The following FAM168A variants were observed in gnomAD, a reference collection of about 807,000 sequenced individuals.
The protein encoded by FAM168A is family with sequence similarity 168 member A.
In FAM168A, 3 loss-of-function variants were observed where a neutral mutation model predicts 28.5. The observed-to-expected ratio is 0.11, with a 90% CI of 0.05 to 0.27. FAM168A has a LOEUF of 0.27. Ranked by LOEUF, FAM168A falls within the 10% of genes least tolerant of loss-of-function variation. The pLI is 1.00. For synonymous variants in FAM168A, 122 were observed against 124.2 expected (o/e 0.98, Z 0.12); for missense variants, 222 against 311.5 (o/e 0.71, Z 2.16).
intron 1 of FAM168A, among the ~76,000 whole-genome samples, chr11:73,521,204 T>C (rs1943371004): frequency 1.3e-5 from 2 of 152,354 alleles, no homozygotes; most frequent in South Asian, 2.1e-4. Context: ...TCTCAGTAAG[T>C]GCCACAGTCC....
chr11:73,424,060 T>C (rs1470387813), intron 3 of FAM168A, among the ~76,000 whole-genome samples: 1 of 152,124 alleles, frequency 6.6e-6, no homozygotes, highest in Non-Finnish European at 1.5e-5. Context: ...AATAAAATTA[T>C]AAGAGGACAG....
intron 2 of FAM168A, among the ~76,000 whole-genome samples, chr11:73,434,882 G>A (rs1327595491): frequency 6.6e-6 from 1 of 152,214 alleles, no homozygotes; most frequent in Non-Finnish European, 1.5e-5. Flanking sequence ...AAATAGTGGA[G>A]GTTTGAAGAG....
chr11:73,538,033 G>T (rs1374353524), intron 1 of FAM168A, among the ~76,000 whole-genome samples: 1 of 152,074 alleles, frequency 6.6e-6, no homozygotes, highest in Admixed American at 6.6e-5. Flanking sequence ...CTGTAACCTT[G>T]GGAAAGGTGA....
chr11:73,445,868 G>A (rs1437331109), intron 2 of FAM168A, among the ~76,000 whole-genome samples: 1 of 152,128 alleles, frequency 6.6e-6, no homozygotes, highest in Non-Finnish European at 1.5e-5. Flanking sequence ...AGTAACAACA[G>A]CTACTATTAA....
chr11:73,530,134 G>A (rs1361488681), intron 1 of FAM168A, among the ~76,000 whole-genome samples: 2 of 152,086 alleles, frequency 1.3e-5, no homozygotes, highest in Non-Finnish European at 2.9e-5. Flanking sequence ...TCACTTCTGG[G>A]ACAATGCAGA....
chr11:73,428,503 C>G (rs1866928126), intron 3 of FAM168A, among the ~76,000 whole-genome samples: 1 of 152,198 alleles, frequency 6.6e-6, no homozygotes, highest in Non-Finnish European at 1.5e-5. Flanking sequence ...ACTAGAAAGA[C>G]AATGAATCTT....
At chr11:73,570,089 A>G (rs1944068398) in intron 1 of FAM168A, among the ~76,000 whole-genome samples, 1 of 152,186 alleles carries the variant, frequency 6.6e-6, no homozygotes, top group South Asian at 2.1e-4. Context: ...GAGAGATAAT[A>G]TCTTTCATGT....
At chr11:73,520,925 C>T (rs546911310) in intron 1 of FAM168A, among the ~76,000 whole-genome samples, 26 of 151,822 alleles carry the variant, frequency 1.7e-4, no homozygotes, top group East Asian at 1.5e-3. Flanking sequence ...AAAAACAGTA[C>T]TGGTAACGGG....
At chr11:73,441,319 A>C (rs532044041) in intron 2 of FAM168A, among the ~76,000 whole-genome samples, 69 of 152,254 alleles carry the variant, frequency 4.5e-4, no homozygotes, top group Non-Finnish European at 8.7e-4. Flanking sequence ...AGCCTCCCAA[A>C]GTGCTGGGAT....
At chr11:73,435,314 C>T (rs1376748048) in intron 2 of FAM168A, among the ~76,000 whole-genome samples, 1 of 152,240 alleles carries the variant, frequency 6.6e-6, no homozygotes, top group Non-Finnish European at 1.5e-5. Flanking sequence ...GATCCAGTCT[C>T]ATAGCCAAAA....
intron 1 of FAM168A, among the ~76,000 whole-genome samples, chr11:73,583,403 T>C (rs1944272774): frequency 6.6e-6 from 1 of 152,196 alleles, no homozygotes; most frequent in African/African-American, 2.4e-5. Flanking sequence ...TTTGAAATGA[T>C]GGATTCACCT....
chr11:73,577,073 T>A (rs1046466769), intron 1 of FAM168A, among the ~76,000 whole-genome samples: 1 of 151,986 alleles, frequency 6.6e-6, no homozygotes, highest in Admixed American at 6.5e-5. Flanking sequence ...CTGAACCGCA[T>A]CACGGAATAG....
At chr11:73,428,996 C>G (rs892213080) in intron 3 of FAM168A, among the ~76,000 whole-genome samples, 1 of 152,066 alleles carries the variant, frequency 6.6e-6, no homozygotes, top group Non-Finnish European at 1.5e-5. Flanking sequence ...TAAAATAGCT[C>G]TTGTTTGTCC....
chr11:73,425,954 T>C (rs142168352), intron 3 of FAM168A, among the ~76,000 whole-genome samples: 4 of 152,334 alleles, frequency 2.6e-5, no homozygotes, highest in African/African-American at 7.2e-5. Context: ...AAATGAATGT[T>C]TGTAACATGA....
chr11:73,510,375 T>C (rs1855197572), intron 1 of FAM168A, among the ~76,000 whole-genome samples: 1 of 152,022 alleles, frequency 6.6e-6, no homozygotes, highest in Non-Finnish European at 1.5e-5. Flanking sequence ...AATTAGGAGG[T>C]AGTAGAGCCT....
intron 1 of FAM168A, among the ~76,000 whole-genome samples, chr11:73,539,263 ATTTATTTTTTTATT>A (rs1290246642): frequency 1.3e-5 from 2 of 151,276 alleles, no homozygotes; most frequent in Non-Finnish European, 2.9e-5. Context: ...ATTTTTATTT[ATTTATTTTTTTATT>A]TTTATTTTTT....
At position 73,558,516 on chromosome 11, in the gene FAM168A, A is replaced by T. The variant is rs75497543; in HGVS notation, c.-19+39407T>A. Among the ~76,000 whole-genome samples the T allele has an allele frequency of 9.0e-3, 1,369 of 151,330 alleles. 26 individuals carry two copies. Among genetic ancestry groups the T allele is most frequent in the African/African-American group, 0.031 (1,271 of 41,164 alleles). On this transcript the variant is annotated intron_variant, in intron 1 of 7. Coordinates refer to ENST00000356467, the MANE Select transcript of FAM168A (RefSeq NM_015159.3). ...AAGTGGAAAGACAACCCACTGAATA[A>T]GAAAAAATATTTGGAAATCATATAT...
At chr11:73,443,574 T>G (rs1590780721) in intron 2 of FAM168A, among the ~76,000 whole-genome samples, 1 of 152,128 alleles carries the variant, frequency 6.6e-6, no homozygotes, top group African/African-American at 2.4e-5. Flanking sequence ...TTAAATAGAG[T>G]GTTACCTGTG....
intron 1 of FAM168A, among the ~76,000 whole-genome samples, chr11:73,552,297 G>A (rs758374250): frequency 2.0e-5 from 3 of 152,112 alleles, no homozygotes; most frequent in Admixed American, 6.6e-5. Context: ...TGGGGAAGAC[G>A]AAAGAAAATG....
Sources: gnomAD v4.1 joint callset for allele counts (sites outside exome capture counted in the v4.1 genomes callset) on GRCh38, gnomAD v4.1.1 for gene constraint, MANE v1.5 for transcripts, NCBI Gene and HGNC (gene_info 2026-07-23, HGNC 2026-07-21) for gene names.